FSTL5: variants seen among roughly 807,000 people sequenced by gnomAD.
FSTL5 encodes the protein follistatin-related protein 5.
In FSTL5, 62 loss-of-function variants were observed where a neutral mutation model predicts 89.1. That is an observed-to-expected ratio of 0.70 (90% CI 0.57 to 0.86). The LOEUF (loss-of-function observed/expected upper bound fraction) is 0.86. Among genes scored for constraint, FSTL5 ranks in the 40% least tolerant of loss-of-function variants. The pLI is 0.00. For synonymous variants in FSTL5, 383 were observed against 346.2 expected, an observed-to-expected ratio of 1.11 and a Z score of -1.18; for missense variants, 1,057 against 1,001.6, an observed-to-expected ratio of 1.06 and a Z score of -0.75.
At chr4:162,011,149 C>A (rs1736755654) in intron 3 of FSTL5, among the ~76,000 whole-genome samples, 1 of 152,042 alleles carries the variant, frequency 6.6e-6, no homozygotes, top group African/African-American at 2.4e-5. Flanking sequence ...AACTAGAGTG[C>A]AAGGATGCCT....
intron 6 of FSTL5, among the ~76,000 whole-genome samples, chr4:161,683,200 A>T (rs894646265): frequency 6.6e-6 from 1 of 151,838 alleles, no homozygotes; most frequent in Non-Finnish European, 1.5e-5. Context: ...TCAGCATAGT[A>T]GATTTATTTA....
chr4:161,771,883 A>G (rs1472979640), intron 5 of FSTL5, among the ~76,000 whole-genome samples: 1 of 152,182 alleles, frequency 6.6e-6, no homozygotes, highest in Non-Finnish European at 1.5e-5. Flanking sequence ...CAAACACAAA[A>G]ATAGGTCTCA....
At position 161,833,042 on chromosome 4, in the gene FSTL5, G is replaced by A. The variant is rs1329405481; in HGVS notation, c.410-56968C>T. The stretch of plus-strand genomic sequence containing the variant: ...TAGTGCTATAAATTTCCCTCTACAC[G>A]CTGCTTTGAATGTGTCCCAGAGATT... On this transcript the variant is annotated intron_variant, in intron 4 of 15. Transcript: ENST00000306100. Among the ~76,000 whole-genome samples, 25 of 150,752 alleles carry A rather than the reference G, an allele frequency of 1.7e-4. No homozygotes were observed. In the South Asian group the frequency reaches 1.7e-3, roughly 10 times the overall value.
intron 15 of FSTL5, among the ~76,000 whole-genome samples, chr4:161,414,632 C>T (rs1010170860): frequency 5.9e-5 from 9 of 151,956 alleles, no homozygotes; most frequent in African/African-American, 2.2e-4. Flanking sequence ...GTAGGTCCAA[C>T]CTAGATGAAT....
intron 1 of FSTL5, among the ~76,000 whole-genome samples, chr4:162,140,556 G>C (rs1732688751): frequency 6.6e-6 from 1 of 152,248 alleles, no homozygotes; most frequent in Non-Finnish European, 1.5e-5. Context: ...AATAACATTG[G>C]CTTTTACTCT....
chr4:161,407,303 C>T (rs1231741903), intron 15 of FSTL5, among the ~76,000 whole-genome samples: 1 of 152,172 alleles, frequency 6.6e-6, no homozygotes, highest in Admixed American at 6.5e-5. Context: ...TAGATGCATA[C>T]AGGAAGTGCT....
chr4:161,752,215 TGATAGATGGACAGATA>T (rs1405741917), intron 6 of FSTL5, among the ~76,000 whole-genome samples: 3 of 146,544 alleles, frequency 2.0e-5, no homozygotes, highest in South Asian at 4.4e-4. Context: ...TATAGACAGA[TGATAGATGGACAGATA>T]GATAGATAGA....
chr4:161,963,533 G>A (rs994346339), intron 3 of FSTL5, among the ~76,000 whole-genome samples: 5 of 151,698 alleles, frequency 3.3e-5, no homozygotes, highest in East Asian at 1.9e-4. Context: ...GACCGTGACC[G>A]AACACTCATA....
chr4:161,912,464 G>T (rs1488963007), intron 4 of FSTL5, among the ~76,000 whole-genome samples: 1 of 152,132 alleles, frequency 6.6e-6, no homozygotes, highest in Non-Finnish European at 1.5e-5. Context: ...CACAAGATCT[G>T]ATGGGTTTAT....
intron 6 of FSTL5, among the ~76,000 whole-genome samples, chr4:161,698,400 T>A (rs1286776272): frequency 6.6e-6 from 1 of 152,156 alleles, no homozygotes; most frequent in African/African-American, 2.4e-5. Context: ...AATTAAATGA[T>A]GCAAAATTAC....
chr4:161,575,964 A>AC (rs1240844226), intron 8 of FSTL5, among the ~76,000 whole-genome samples: 2 of 152,210 alleles, frequency 1.3e-5, no homozygotes, highest in East Asian at 3.9e-4. Context: ...AAGAAACTTC[A>AC]GCAAAGTCTC....
At chr4:161,515,659 C>G (rs62324307) in intron 10 of FSTL5, among the ~76,000 whole-genome samples, 26,733 of 151,402 alleles carry the variant, frequency 0.18, 2,598 homozygotes, top group East Asian at 0.37. Context: ...TACATGGTTT[C>G]AAATACTGTT....
At chr4:162,140,837 G>A (rs1258319664) in intron 1 of FSTL5, among the ~76,000 whole-genome samples, 1 of 152,238 alleles carries the variant, frequency 6.6e-6, no homozygotes, top group East Asian at 1.9e-4. Flanking sequence ...GATATGAGGA[G>A]TAGAAGAAAG....
chr4:162,125,000 G>A (rs1291230988), intron 1 of FSTL5, among the ~76,000 whole-genome samples: 1 of 152,174 alleles, frequency 6.6e-6, no homozygotes, highest in African/African-American at 2.4e-5. Flanking sequence ...ACCTCGCCTG[G>A]CCTTCACTAC....
intron 2 of FSTL5, among the ~76,000 whole-genome samples, chr4:162,033,968 T>A (rs922419955): frequency 5.3e-5 from 8 of 152,030 alleles, no homozygotes; most frequent in African/African-American, 1.9e-4. Flanking sequence ...CAGGCTAATA[T>A]CTTTTTTATT....
At chr4:161,652,669 T>A (rs1015311978) in intron 7 of FSTL5, among the ~76,000 whole-genome samples, 1 of 152,104 alleles carries the variant, frequency 6.6e-6, no homozygotes, top group Non-Finnish European at 1.5e-5. Context: ...TAATTAAATA[T>A]AGCAAATATA....
intron 3 of FSTL5, among the ~76,000 whole-genome samples, chr4:161,989,714 C>T (rs1578923241): frequency 6.6e-6 from 1 of 152,020 alleles, no homozygotes; most frequent in African/African-American, 2.4e-5. Context: ...GAGTGGCTGG[C>T]AGAGGTTGCA....
At chr4:161,782,372 A>G (rs2126810982) in intron 4 of FSTL5, among the ~76,000 whole-genome samples, 1 of 152,238 alleles carries the variant, frequency 6.6e-6, no homozygotes, top group African/African-American at 2.4e-5. Flanking sequence ...AATGGGTGAA[A>G]CTTGTATTGC....
intron 2 of FSTL5, among the ~76,000 whole-genome samples, chr4:162,099,947 G>C (rs1730922831): frequency 6.6e-6 from 1 of 152,146 alleles, no homozygotes; most frequent in African/African-American, 2.4e-5. Context: ...GGAGCAATAG[G>C]AACTCTCATT....
Sources: allele counts gnomAD v4.1 joint callset (sites outside exome capture counted in the v4.1 genomes callset), GRCh38; gene constraint gnomAD v4.1.1; transcripts MANE v1.5; gene names NCBI Gene and HGNC (gene_info 2026-07-23, HGNC 2026-07-21).